Variants in CTNNA2 observed in about 807,000 individuals in gnomAD.
The protein encoded by CTNNA2 is catenin alpha-2.
Under a neutral mutation model 101.0 loss-of-function variants are expected in CTNNA2, and 42 were observed. That is an observed-to-expected ratio of 0.42 (90% CI 0.32 to 0.54). The LOEUF is 0.54. CTNNA2 is among the 20% of genes least tolerant of loss of function. The probability of loss-of-function intolerance (pLI) is 0.14; values close to 1 mark genes in which losing one functional copy is unlikely to be tolerated. For synonymous variants in CTNNA2, 450 were observed against 456.4 expected, an observed-to-expected ratio of 0.99 and a Z score of 0.18; for missense variants, 871 against 1,223.1, an observed-to-expected ratio of 0.71 and a Z score of 4.29.
At chr2:79,462,259 G>T (rs1670888339) in intron 4 of CTNNA2, among the ~76,000 whole-genome samples, 1 of 152,090 alleles carries the variant, frequency 6.6e-6, no homozygotes, top group Non-Finnish European at 1.5e-5. Flanking sequence ...ATATGTAAGG[G>T]CTCAAAAAGC....
intron 7 of CTNNA2, among the ~76,000 whole-genome samples, chr2:80,000,896 C>T (rs1692902491): frequency 6.6e-6 from 1 of 152,106 alleles, no homozygotes; most frequent in African/African-American, 2.4e-5. Context: ...GGATATCTGC[C>T]CATTGAGATT....
At chr2:80,071,723 A>G (rs1698355318) in intron 7 of CTNNA2, among the ~76,000 whole-genome samples, 1 of 152,156 alleles carries the variant, frequency 6.6e-6, no homozygotes, top group African/African-American at 2.4e-5. Flanking sequence ...AGTCTTTTCT[A>G]AAATGCTGTT....
Position 80,365,571 on chromosome 2 carries a change from GA to G in CTNNA2, c.1057-27626del, listed in dbSNP as rs3040567. On this transcript the variant is annotated intron_variant, in intron 7 of 18. Coordinates refer to ENST00000402739, the MANE Select transcript of CTNNA2 (RefSeq NM_001282597.3). ...ACAACATGATAGTTTGTGTTTTTTG[GA>G]AAAAAAAAAAAAACAACAACAACTC... is the stretch of plus-strand genomic sequence containing the variant. Among the ~76,000 whole-genome samples, 372 of 135,904 alleles carry G rather than the reference GA, an allele frequency of 2.7e-3. 1 individual carries two copies. The highest frequency in any genetic ancestry group is 0.012 in the Middle Eastern group (3 of 248). 89.2% of individuals were successfully genotyped at this position (135,904 alleles called of 152,430 possible).
intron 7 of CTNNA2, among the ~76,000 whole-genome samples, chr2:80,219,978 A>C (rs1708486364): frequency 6.6e-6 from 1 of 152,166 alleles, no homozygotes; most frequent in Admixed American, 6.6e-5. Context: ...AATTGAAACA[A>C]ACAAACAAAA....
At chr2:79,687,175 T>G (rs574859413) in intron 2 of CTNNA2, among the ~76,000 whole-genome samples, 1 of 152,134 alleles carries the variant, frequency 6.6e-6, no homozygotes, top group South Asian at 2.1e-4. Flanking sequence ...AGAGTGTTGG[T>G]TGAATAAAAT....
At chr2:79,821,777 G>A (rs1412004188) in intron 3 of CTNNA2, among the ~76,000 whole-genome samples, 1 of 152,112 alleles carries the variant, frequency 6.6e-6, no homozygotes. Context: ...TAGAACATAT[G>A]GAACAAGAAC....
intron 2 of CTNNA2, among the ~76,000 whole-genome samples, chr2:79,681,483 G>C (rs1302285020): frequency 6.6e-6 from 1 of 152,146 alleles, no homozygotes; most frequent in Admixed American, 6.5e-5. Flanking sequence ...TATGGGAATG[G>C]TGGTAGTAAT....
intron 2 of CTNNA2, among the ~76,000 whole-genome samples, chr2:79,724,216 C>G (rs543803375): frequency 1.1e-4 from 17 of 151,030 alleles, no homozygotes; most frequent in Non-Finnish European, 2.2e-4. Flanking sequence ...CTTCTTTTGG[C>G]TCTGGGTTTG....
upstream of CTNNA2, among the ~76,000 whole-genome samples, chr2:79,512,335 C>A (rs548325344): frequency 4.3e-4 from 65 of 152,314 alleles, 1 homozygote; most frequent in South Asian, 0.01. Flanking sequence ...AAATATTCAA[C>A]AAAGGCTTGT....
chr2:79,720,887 A>C (rs1351952551), intron 2 of CTNNA2, among the ~76,000 whole-genome samples: 2 of 151,956 alleles, frequency 1.3e-5, no homozygotes, highest in East Asian at 3.9e-4. Flanking sequence ...TCTGTCTAGG[A>C]CTTATTTCCC....
intron 9 of CTNNA2, among the ~76,000 whole-genome samples, chr2:80,454,956 G>T (rs1030746243): frequency 6.6e-6 from 1 of 152,250 alleles, no homozygotes; most frequent in Non-Finnish European, 1.5e-5. Flanking sequence ...GAGAATCAGA[G>T]CTCAGTCCCT....
intron 9 of CTNNA2, among the ~76,000 whole-genome samples, chr2:80,467,832 T>C (rs570590472): frequency 6.6e-6 from 1 of 152,202 alleles, no homozygotes; most frequent in South Asian, 2.1e-4. Flanking sequence ...CATGTGAAAA[T>C]ATAGCAAGAG....
At chr2:79,280,666 A>AGAGAGAGG (rs1558599126) in intron 2 of CTNNA2, among the ~76,000 whole-genome samples, 1 of 78,366 alleles carries the variant, frequency 1.3e-5, no homozygotes, top group South Asian at 4.4e-4. Context: ...TAAGAGAAAG[A>AGAGAGAGG]GAGAGAGAGA....
chr2:79,377,566 T>C (rs2104460254), intron 4 of CTNNA2, among the ~76,000 whole-genome samples: 1 of 152,292 alleles, frequency 6.6e-6, no homozygotes, highest in Admixed American at 6.5e-5. Context: ...ATACAGGCAG[T>C]TTTGGGAGAC....
chr2:79,336,173 C>T (rs1357065329), intron 3 of CTNNA2, among the ~76,000 whole-genome samples: 1 of 152,126 alleles, frequency 6.6e-6, no homozygotes, highest in African/African-American at 2.4e-5. Context: ...ATCTCACACA[C>T]CAAGTCAGAA....
At chr2:79,716,200 T>A (rs62140148) in intron 2 of CTNNA2, among the ~76,000 whole-genome samples, 1 of 152,160 alleles carries the variant, frequency 6.6e-6, no homozygotes, top group African/African-American at 2.4e-5. Flanking sequence ...AAAGGAAGAC[T>A]TTTAAAAATT....
chr2:80,373,785 T>C (rs1675667615), intron 7 of CTNNA2, among the ~76,000 whole-genome samples: 2 of 152,150 alleles, frequency 1.3e-5, no homozygotes, highest in African/African-American at 4.8e-5. Context: ...TTCTAATTGT[T>C]GGATGAGATG....
At chr2:79,241,890 TTTTC>T in intron 2 of CTNNA2, among the ~76,000 whole-genome samples, 2 of 49,618 alleles carry the variant, frequency 4.0e-5, no homozygotes, top group Non-Finnish European at 1.1e-4. Context: ...GGGTATTTTC[TTTTC>T]TTTTCTTTTC....
chr2:79,191,962 G>T (rs928309587), intron 1 of CTNNA2, among the ~76,000 whole-genome samples: 2 of 152,128 alleles, frequency 1.3e-5, no homozygotes, highest in Non-Finnish European at 2.9e-5. Flanking sequence ...CATGGTTGCT[G>T]GTCACTTACC....
Sources: allele counts gnomAD v4.1 joint callset (sites outside exome capture counted in the v4.1 genomes callset), GRCh38; gene constraint gnomAD v4.1.1; transcripts MANE v1.5; gene names NCBI Gene and HGNC (gene_info 2026-07-23, HGNC 2026-07-21).